SSC5D: variants seen among roughly 807,000 people sequenced by gnomAD.
SSC5D encodes the protein scavenger receptor cysteine rich family member with 5 domains.
Under a neutral mutation model 104.6 loss-of-function variants are expected in SSC5D, and 106 were observed. The observed-to-expected ratio is 1.01, with a 90% confidence interval of 0.87 to 1.19. The LOEUF (loss-of-function observed/expected upper bound fraction) is 1.19, where lower values mean the gene tolerates loss of function less well. Among genes scored for constraint, SSC5D ranks in the 50% most tolerant of loss-of-function variants. SSC5D has a pLI of 0.00. For missense variants in SSC5D, 1,993 were observed against 2,153.8 expected (o/e 0.93, Z 1.48); for synonymous variants, 860 against 883.5 (o/e 0.97, Z 0.47).
Position 55,493,897 on chromosome 19 carries a change from G to A in SSC5D, c.1198G>A (p.Gly400Arg), listed in dbSNP as rs1315602187. The change falls in exon 7 of 14, where the codon GGG (glycine) becomes AGG (arginine). Residue 400 changes from glycine to arginine, a missense_variant. Gly to Arg is a moderately radical substitution (Grantham distance 125). This residue lies in a region of SSC5D where 1,101 missense variants were observed against 1,085.0 expected (regional missense o/e 1.01). Transcript: ENST00000389623. ...TGACTGTCACCACCGCGAGGACGCC[G>A]GGGCCGTGTGTGACGGTGAGGGGGT... ...QHDCHHREDA[G>R]AVCDGMPLGY... The A allele has an allele frequency of 2.6e-6, 4 of 1,545,498 alleles. No homozygotes were observed. The highest frequency in any genetic ancestry group is 3.5e-6 in the Non-Finnish European group (4 of 1,146,496).
rs1191141194 is a variant in SSC5D at position 55,498,107 on chromosome 19, G to A, written c.1615G>A (p.Gly539Arg). Residue 539 changes from glycine (G) to arginine (R), a missense_variant, in exon 9 of 14, where the codon GGG (glycine) becomes AGG (arginine). Coordinates refer to ENST00000389623, the MANE Select transcript of SSC5D (RefSeq NM_001144950.2). Reference protein sequence around the residue: ...PIWLDDVGCVGTEASLSDCPA... With the variant: ...PIWLDDVGCVRTEASLSDCPA... ...CTGGCTAGATGATGTGGGCTGTGTG[G>A]GGACCGAGGCTTCACTGTCCGACTG... 2.6e-6 allele frequency: 4 copies of A among 1,551,702 alleles called. No homozygotes were observed. The South Asian group carries it at 4.8e-5, about 18-fold the overall frequency.
At chr19:55,501,915 C>T (rs1017017058) in intron 12 of SSC5D, among the ~76,000 whole-genome samples, 3 of 152,152 alleles carry the variant, frequency 2.0e-5, no homozygotes, top group Non-Finnish European at 4.4e-5. Context: ...ATCCATTTCT[C>T]ACCCTCATCA....
chr19:55,505,384 T>G (rs1987617496), intron 12 of SSC5D, among the ~76,000 whole-genome samples: 1 of 151,828 alleles, frequency 6.6e-6, no homozygotes, highest in African/African-American at 2.4e-5. Flanking sequence ...GTGTTATCCA[T>G]CTCTGCTAGA....
intron 6 of SSC5D, chr19:55,492,861 TATAAA>T (rs1987190133): frequency 6.7e-6 from 1 of 148,956 alleles, no homozygotes; most frequent in Admixed American, 6.8e-5. Flanking sequence ...CCCTACAAAA[TATAAA>T]ATAAAAAAAA....
In SSC5D at chr19:55,518,205, C is replaced by A. The variant is rs2123462849; in HGVS notation, c.3929C>A (p.Thr1310Asn). The A allele has an allele frequency of 1.4e-6, 2 of 1,446,476 alleles. No individual in the cohort carries two copies. Among genetic ancestry groups the A allele is most frequent in the Non-Finnish European group, 1.8e-6 (2 of 1,087,004 alleles). 89.6% of individuals were successfully genotyped at this position (1,446,476 alleles called of 1,614,324 possible). ...ACCATGACTCCTGACCCCACCACGA[C>A]CCCTTACCCCACCACTACTCCTGAT... ...HPTMTPDPTTTPYPTTTPDPT... is the reference protein window; with the variant it reads ...HPTMTPDPTTNPYPTTTPDPT... Residue 1310 changes from threonine to asparagine, a missense_variant, in exon 14 of 14, where the codon ACC becomes AAC. Transcript: ENST00000389623.
rs1260414096 is a variant in SSC5D at position 55,518,838 on chromosome 19, T to C, written c.4562T>C (p.Leu1521Pro). ...VEQERQERQA[L>P]LLGLTQLVEA... is the part of the protein sequence containing the mutation. ...CAGGAGCGGCAGGAGCGCCAAGCCC[T>C]GCTGCTGGGGCTGACGCAGCTGGTA... The change falls in exon 14 of 14, where the codon CTG becomes CCG. Residue 1521 changes from leucine to proline, a missense_variant. Leu to Pro is a moderately conservative substitution (Grantham distance 98). This residue lies in a region of SSC5D where 349 missense variants were observed against 397.6 expected (regional missense o/e 0.88). Transcript: ENST00000389623. 1 of 1,550,254 alleles carries C rather than the reference T, an allele frequency of 6.5e-7. No individual in the cohort carries two copies. The highest frequency in any genetic ancestry group is 1.4e-5 in the African/African-American group (1 of 73,038).
chr19:55,517,387 G>A lies in SSC5D; in HGVS notation c.3111G>A (p.Thr1037=), dbSNP rs183461906. 6.4e-7 allele frequency: 1 copy of A among 1,550,582 alleles called. No individual in the cohort carries two copies. Among genetic ancestry groups the A allele is most frequent in the African/African-American group, 1.4e-5 (1 of 72,976 alleles). ...SRELTPHSAL[T]SEATSDAPDT... ...AGCTCACTCCCCACTCAGCCTTGAC[G>A]TCCGAGGCGACCTCTGACGCTCCGG... is the stretch of plus-strand genomic sequence containing the variant. The change falls in exon 14 of 14, where the codon ACG becomes ACA. Residue 1037 remains threonine, a synonymous_variant. Transcript: ENST00000389623.
intron 12 of SSC5D, among the ~76,000 whole-genome samples, chr19:55,511,507 C>T (rs940940156): frequency 1.3e-5 from 2 of 152,076 alleles, no homozygotes; most frequent in Non-Finnish European, 2.9e-5. Flanking sequence ...AAAGCCTGCG[C>T]GTTGTGGTTG....
At position 55,500,507 on chromosome 19, in the gene SSC5D, C is replaced by T; in HGVS notation, c.2320C>T (p.Leu774=). Residue 774 remains leucine, a synonymous_variant, in exon 11 of 14, where the codon CTG becomes TTG. Coordinates refer to ENST00000389623, the MANE Select transcript of SSC5D (RefSeq NM_001144950.2). The surrounding 1 kb of genome is among the most constrained non-coding windows in gnomAD (Gnocchi z 4.6). Reference sequence around the variant, plus strand: ...CCACGCAGGCCTGTTCCGGGTTCGTCTGGCCGATGGGCCCAACCGCTGTGC... The same window carrying T: ...CCACGCAGGCCTGTTCCGGGTTCGTTTGGCCGATGGGCCCAACCGCTGTGC... ...TGESGLFRVR[L]ADGPNRCAGR... is the part of the protein sequence containing the mutation. 7.1e-6 allele frequency: 11 copies of T among 1,551,598 alleles called. No individual in the cohort carries two copies. The highest frequency in any genetic ancestry group is 9.6e-6 in the Non-Finnish European group (11 of 1,146,920).
At position 55,518,981 on chromosome 19, in the gene SSC5D, C is replaced by G; in HGVS notation, c.4705C>G (p.Leu1569Val). Residue 1569 changes from leucine to valine, a missense_variant, in exon 14 of 14, where the codon CTG becomes GTG. Physicochemically the swap from Leu to Val is conservative, Grantham distance 32. Transcript: ENST00000389623. The part of the protein sequence containing the change: ...TTTPEEEERP[L>V]RGDV The stretch of plus-strand genomic sequence containing the variant: ...TACCCCAGAGGAAGAAGAAAGACCC[C>G]TGAGGGGAGACGTGTGACCCTCTCC... 6.4e-7 allele frequency: 1 copy of G among 1,550,390 alleles called. No individual in the cohort carries two copies. Among genetic ancestry groups the G allele is most frequent in the Non-Finnish European group, 8.7e-7 (1 of 1,146,906 alleles).
chr19:55,488,967 T>C, intron 1 of SSC5D, 39 bp from the exon 2 acceptor site: 1 of 1,016,974 alleles, frequency 9.8e-7, no homozygotes, highest in African/African-American at 4.6e-5. Flanking sequence ...ACCCCCGGCC[T>C]GCCCCTCACA....
chr19:55,499,698 G>C (rs1183712827), intron 9 of SSC5D, 118 bp from the exon 10 acceptor site: 3 of 811,132 alleles, frequency 3.7e-6, no homozygotes, highest in Non-Finnish European at 5.7e-6. Context: ...GACAATAAAT[G>C]AATGAATGAT....
chr19:55,508,188 G>T (rs896192921), intron 12 of SSC5D, among the ~76,000 whole-genome samples: 1 of 152,108 alleles, frequency 6.6e-6, no homozygotes, highest in Non-Finnish European at 1.5e-5. Flanking sequence ...TGTGGGAGTG[G>T]ATGTGACTGC....
rs541552317 is a variant in SSC5D, at chr19:55,500,241, A to C, written c.2131A>C (p.Lys711Gln). Residue 711 changes from lysine to glutamine, a missense_variant, in exon 10 of 14, where the codon AAG (lysine) becomes CAG (glutamine). Transcript: ENST00000389623. The surrounding 1 kb of genome is among the most constrained non-coding windows in gnomAD (Gnocchi z 4.6). ...TCAGGCCCCCCGAGAACGGACCACT[A>C]AGACCATGGCAATGCTGACCACTCA... is the stretch of plus-strand genomic sequence containing the variant. ...TPQAPRERTT[K>Q]TMAMLTTQGP... 2.8e-5 allele frequency: 44 copies of C among 1,551,062 alleles called. No individual in the cohort carries two copies. In the South Asian group the frequency reaches 4.4e-4, roughly 16 times the overall value.
At chr19:55,512,913 A>G in intron 12 of SSC5D, 98 bp from the exon 13 acceptor site, 1 of 1,435,004 alleles carries the variant, frequency 7.0e-7, no homozygotes, top group Non-Finnish European at 9.6e-7. Flanking sequence ...TTGAGACGGG[A>G]TGATGCCTGA....
intron 8 of SSC5D, among the ~76,000 whole-genome samples, chr19:55,496,177 G>A (rs1467387069): frequency 6.6e-6 from 1 of 152,128 alleles, no homozygotes; most frequent in Non-Finnish European, 1.5e-5. Context: ...TAGTCATCTG[G>A]TACTTGGCCC....
chr19:55,500,176 C>T lies in SSC5D; in HGVS notation c.2066C>T (p.Pro689Leu), dbSNP rs751190661. Residue 689 changes from proline to leucine, a missense_variant, in exon 10 of 14, where the codon CCC (proline) becomes CTC (leucine). Physicochemically the swap from Pro to Leu is moderately conservative, Grantham distance 98 (BLOSUM62 -3). This residue lies in a region of SSC5D where 1,101 missense variants were observed against 1,085.0 expected (regional missense o/e 1.01). Coordinates refer to ENST00000389623, the MANE Select transcript of SSC5D (RefSeq NM_001144950.2). This position sits in a 1 kb window ranked among gnomAD's most constrained non-coding sequence, Gnocchi z 4.6. ...EFTRRPTTEAPQRWTSHTTAT... is the reference protein window; with the variant it reads ...EFTRRPTTEALQRWTSHTTAT... Reference sequence around the variant, plus strand: ...ACCAGAAGGCCGACCACGGAGGCCCCCCAGAGATGGACCTCTCACACCACT... The same window carrying T: ...ACCAGAAGGCCGACCACGGAGGCCCTCCAGAGATGGACCTCTCACACCACT... 8 of 1,551,446 alleles carry T rather than the reference C, an allele frequency of 5.2e-6. No homozygotes were observed. The South Asian group carries it at 8.3e-5, about 16-fold the overall frequency.
At chr19:55,511,609 CCTTGTGGAATTG>C (rs1367786324) in intron 12 of SSC5D, among the ~76,000 whole-genome samples, 1 of 152,158 alleles carries the variant, frequency 6.6e-6, no homozygotes, top group Non-Finnish European at 1.5e-5. Context: ...CTCAGCACCT[CCTTGTGGAATTG>C]CTTGTGGAAG....
chr19:55,497,510 CT>C (rs1987355052), intron 8 of SSC5D, among the ~76,000 whole-genome samples: 1 of 152,182 alleles, frequency 6.6e-6, no homozygotes, highest in Non-Finnish European at 1.5e-5. Context: ...TGTACAACCA[CT>C]ACTATTTGGC....
Sources: allele counts gnomAD v4.1 joint callset (sites outside exome capture counted in the v4.1 genomes callset), GRCh38; gene constraint gnomAD v4.1.1; regional missense constraint gnomAD v4.1.1; non-coding constraint Gnocchi (gnomAD v3.1); transcripts MANE v1.5; gene names NCBI Gene and HGNC (gene_info 2026-07-23, HGNC 2026-07-21).